The following CRYBG3 variants were observed in gnomAD, a reference collection of about 807,000 sequenced individuals.
CRYBG3 encodes very large A-kinase anchor protein.
In CRYBG3, 127 loss-of-function variants were observed where a neutral mutation model predicts 244.2. The ratio of observed to expected loss-of-function variants is 0.52; its 90% CI spans 0.45 to 0.60. CRYBG3 has a LOEUF of 0.60. CRYBG3 is among the 20% of genes least tolerant of loss of function. CRYBG3 has a pLI of 0.00. For missense variants in CRYBG3, 3,325 were observed against 3,442.5 expected (o/e 0.97, Z 0.85); for synonymous variants, 1,132 against 1,195.8 (o/e 0.95, Z 1.10).
At chr3:97,835,656 A>G (rs1423333400) in intron 1 of CRYBG3, among the ~76,000 whole-genome samples, 4 of 152,126 alleles carry the variant, frequency 2.6e-5, no homozygotes, top group Non-Finnish European at 5.9e-5. Context: ...TTTTATATCC[A>G]CACATATATT....
At chr3:97,847,467 G>A (rs529450952) in intron 2 of CRYBG3, among the ~76,000 whole-genome samples, 2 of 152,302 alleles carry the variant, frequency 1.3e-5, no homozygotes, top group East Asian at 1.9e-4. Flanking sequence ...ACAGAGGCAA[G>A]AGAATTCAGA....
chr3:97,872,395 G>A lies in CRYBG3; in HGVS notation c.1201G>A (p.Val401Ile). Reference sequence around the variant, plus strand: ...CCCTTGCAGCCCAGATTTTCAGAGAGTAACTACAACAGAAAATACGATAAA... The same window carrying A: ...CCCTTGCAGCCCAGATTTTCAGAGAATAACTACAACAGAAAATACGATAAA... ...KVPCSPDFQR[V>I]TTTENTIKEN... The change falls in exon 4 of 22, where the codon GTA (valine) becomes ATA (isoleucine). Residue 401 changes from valine to isoleucine, a missense_variant. Physicochemically the swap from Val to Ile is conservative, Grantham distance 29 (BLOSUM62 3). This residue lies in a region of CRYBG3 where 1,526 missense variants were observed against 1,443.2 expected (regional missense o/e 1.06). Transcript: ENST00000389622. 1.3e-6 allele frequency: 2 copies of A among 1,535,844 alleles called. No homozygotes were observed. Among genetic ancestry groups the A allele is most frequent in the African/African-American group, 1.4e-5 (1 of 73,108 alleles).
intron 2 of CRYBG3, among the ~76,000 whole-genome samples, chr3:97,859,392 T>A (rs2039113690): frequency 6.6e-6 from 1 of 152,156 alleles, no homozygotes; most frequent in African/African-American, 2.4e-5. Context: ...ACAGCACCCA[T>A]CACATGCTAC....
rs2039503992 is a variant in CRYBG3, at chr3:97,886,078, AC to A, written c.7153-551del. Reference sequence around the variant, plus strand: ...ATTTCATAATGCTTTTCTTCTTCAAACCTACTGCACTAGGAAATGGAGTCCT... The same window carrying A: ...ATTTCATAATGCTTTTCTTCTTCAAACTACTGCACTAGGAAATGGAGTCCT... On this transcript the variant is annotated intron_variant, in intron 7 of 21. Transcript: ENST00000389622. Among the ~76,000 whole-genome samples the A allele has an allele frequency of 2.0e-5, 3 of 152,318 alleles. No homozygotes were observed. In the South Asian group the frequency reaches 6.2e-4, roughly 32 times the overall value.
intron 2 of CRYBG3, among the ~76,000 whole-genome samples, chr3:97,859,928 T>A (rs2039122117): frequency 1.3e-5 from 2 of 152,196 alleles, no homozygotes; most frequent in Admixed American, 1.3e-4. Flanking sequence ...CCTTTCCTTC[T>A]GGAACCTGTC....
At chr3:97,857,205 T>G (rs1052056742) in intron 2 of CRYBG3, among the ~76,000 whole-genome samples, 2 of 152,136 alleles carry the variant, frequency 1.3e-5, no homozygotes, top group African/African-American at 4.8e-5. Flanking sequence ...TATTGATTTC[T>G]AGTGTTATTC....
At chr3:97,867,745 C>T (rs896101306) in intron 3 of CRYBG3, among the ~76,000 whole-genome samples, 2 of 152,164 alleles carry the variant, frequency 1.3e-5, no homozygotes, top group African/African-American at 2.4e-5. Context: ...GAAGTTAATA[C>T]TCCCTTTTCT....
In CRYBG3 at chr3:97,864,294, A is replaced by G. The variant is rs372799699; in HGVS notation, c.294A>G (p.Ala98=). The G allele has an allele frequency of 8.0e-5, 123 of 1,535,720 alleles. 1 individual carries two copies. The South Asian group carries it at 1.4e-3, about 17-fold the overall frequency. Residue 98 remains alanine (A), a synonymous_variant, in exon 3 of 22, where the codon GCA becomes GCG. Coordinates refer to ENST00000389622, the MANE Select transcript of CRYBG3 (RefSeq NM_153605.4). ...TLPVQEDPKK[A]YDLSSSTSDT... is the part of the protein sequence containing the mutation. Reference sequence around the variant, plus strand: ...CAGTGCAGGAAGATCCCAAAAAGGCATATGATCTTTCCAGTTCCACTTCAG... The same window carrying G: ...CAGTGCAGGAAGATCCCAAAAAGGCGTATGATCTTTCCAGTTCCACTTCAG...
At position 97,838,339 on chromosome 3, in the gene CRYBG3, C is replaced by T. The variant is rs201726160; in HGVS notation, c.150-4856C>T. The stretch of plus-strand genomic sequence containing the variant: ...ATTCTCCTGGTCAGATTTTTTTCTT[C>T]CCTCTACAGCTATCAGTTGTTGATG... On this transcript the variant is annotated intron_variant, in intron 1 of 21. Transcript: ENST00000389622. Among the ~76,000 whole-genome samples the T allele has an allele frequency of 1.5e-4, 23 of 152,102 alleles. No homozygotes were observed. The East Asian group carries it at 3.9e-3, about 26-fold the overall frequency.
intron 2 of CRYBG3, among the ~76,000 whole-genome samples, chr3:97,853,406 T>TACACACACACACAC: frequency 6.8e-6 from 1 of 147,778 alleles, no homozygotes; most frequent in African/African-American, 2.5e-5. Flanking sequence ...ACACATACAA[T>TACACACACACACAC]ACACACACAC....
intron 17 of CRYBG3, among the ~76,000 whole-genome samples, chr3:97,923,346 A>T (rs913620588): frequency 3.9e-5 from 6 of 152,128 alleles, no homozygotes; most frequent in Non-Finnish European, 7.4e-5. Flanking sequence ...ATAATAATAA[A>T]AAAAAGTGTA....
rs371500668 is a variant in CRYBG3, at chr3:97,914,983, A to G, written c.8115-627A>G. On this transcript the variant is annotated intron_variant, in intron 16 of 21. Coordinates refer to ENST00000389622, the MANE Select transcript of CRYBG3 (RefSeq NM_153605.4). ...ATGAATGCTGTATTGAAGATAACTC[A>G]CTATTGAAGATTCTAAGGGATTTAT... Among the ~76,000 whole-genome samples the G allele has an allele frequency of 5.6e-4, 86 of 152,262 alleles. No homozygotes were observed. The South Asian group carries it at 0.013, about 24-fold the overall frequency.
Position 97,877,799 on chromosome 3 carries a change from A to G in CRYBG3, c.6605A>G (p.Glu2202Gly). ...ISKNSYVMPN[E>G]PTTSNLQVGL... The stretch of plus-strand genomic sequence containing the variant: ...AAGAATTCATATGTGATGCCAAATG[A>G]ACCTACTACCTCCAATCTGCAAGTT... Residue 2202 changes from glutamate (E) to glycine (G), a missense_variant, in exon 4 of 22, where the codon GAA (glutamate) becomes GGA (glycine). Around this residue, in one of 4 missense-constraint regions of CRYBG3, gnomAD observed 450 missense variants for 424.1 expected, o/e 1.06. Coordinates refer to ENST00000389622, the MANE Select transcript of CRYBG3 (RefSeq NM_153605.4). 3 of 1,614,096 alleles carry G rather than the reference A, an allele frequency of 1.9e-6. No homozygotes were observed. The highest frequency in any genetic ancestry group is 1.3e-5 in the African/African-American group (1 of 75,052).
chr3:97,846,119 A>T (rs2038897299), intron 2 of CRYBG3, among the ~76,000 whole-genome samples: 1 of 152,188 alleles, frequency 6.6e-6, no homozygotes, highest in Admixed American at 6.5e-5. Flanking sequence ...CCTTTTGCTG[A>T]CCATATTCAG....
At chr3:97,913,116 T>C (rs1348360085) in intron 16 of CRYBG3, among the ~76,000 whole-genome samples, 1 of 152,188 alleles carries the variant, frequency 6.6e-6, no homozygotes, top group Non-Finnish European at 1.5e-5. Flanking sequence ...CAGTGTCATC[T>C]TATTTCTAGT....
At chr3:97,835,124 T>C (rs1405617267) in intron 1 of CRYBG3, among the ~76,000 whole-genome samples, 1 of 152,174 alleles carries the variant, frequency 6.6e-6, no homozygotes, top group Non-Finnish European at 1.5e-5. Flanking sequence ...ATAATGCGTA[T>C]ATTTATATGT....
chr3:97,827,716 G>C (rs1050616776), intron 1 of CRYBG3, among the ~76,000 whole-genome samples: 1 of 152,082 alleles, frequency 6.6e-6, no homozygotes, highest in African/African-American at 2.4e-5. Context: ...TTAATCCTCA[G>C]AGCAAACGTA....
chr3:97,859,391 A>G (rs1356178514), intron 2 of CRYBG3, among the ~76,000 whole-genome samples: 1 of 152,200 alleles, frequency 6.6e-6, no homozygotes, highest in Non-Finnish European at 1.5e-5. Context: ...CACAGCACCC[A>G]TCACATGCTA....
At chr3:97,890,429 C>G (rs576115473) in intron 10 of CRYBG3, among the ~76,000 whole-genome samples, 1 of 152,244 alleles carries the variant, frequency 6.6e-6, no homozygotes, top group Non-Finnish European at 1.5e-5. Context: ...CTGGATCTTC[C>G]TTGGACATTT....
Sources: gnomAD v4.1 joint callset for allele counts (sites outside exome capture counted in the v4.1 genomes callset) on GRCh38, gnomAD v4.1.1 for gene constraint, gnomAD v4.1.1 regional missense constraint, MANE v1.5 for transcripts, NCBI Gene and HGNC (gene_info 2026-07-23, HGNC 2026-07-21) for gene names.